Variants in ETFDH observed in about 807,000 individuals in gnomAD.
ETFDH encodes electron transfer flavoprotein dehydrogenase, also known as electron transfer flavoprotein-ubiquinone oxidoreductase, mitochondrial.
Under a neutral mutation model 73.2 loss-of-function variants are expected in ETFDH, and 61 were observed. That is an observed-to-expected ratio of 0.83 (90% CI 0.68 to 1.03). ETFDH has a LOEUF of 1.03. Ranked by LOEUF, ETFDH falls within the 50% of genes least tolerant of loss-of-function variation. The probability of loss-of-function intolerance (pLI) is 0.00; values close to 1 mark genes in which losing one functional copy is unlikely to be tolerated. For synonymous variants in ETFDH, 243 were observed against 253.3 expected (o/e 0.96, Z 0.39); for missense variants, 685 against 745.0 (o/e 0.92, Z 0.94).
intron 7 of ETFDH, among the ~76,000 whole-genome samples, chr4:158,696,522 A>G (rs537753231): frequency 2.6e-5 from 4 of 152,254 alleles, no homozygotes; most frequent in African/African-American, 9.6e-5. Context: ...AAAAAAGAAT[A>G]TAGTAATTAA....
At position 158,680,529 on chromosome 4, in the gene ETFDH, T is replaced by C. The variant is rs1474124175; in HGVS notation, c.97T>C (p.Trp33Arg). 2.5e-6 allele frequency: 4 copies of C among 1,600,358 alleles called. No individual in the cohort carries two copies. Among genetic ancestry groups the C allele is most frequent in the Non-Finnish European group, 3.4e-6 (4 of 1,167,560 alleles). The change falls in exon 2 of 13, where the codon TGG becomes CGG. Residue 33 changes from tryptophan (W) to arginine (R), a missense_variant. Transcript: ENST00000511912. ...KNYLPLCATR[W>R]SSTSTVPRIT... is the part of the protein sequence containing the mutation. Reference sequence around the variant, plus strand: ...TTATCTACCTCTATGTGCTACAAGATGGTCTTCAACTTCTACTGTGCCTCG... The same window carrying C: ...TTATCTACCTCTATGTGCTACAAGACGGTCTTCAACTTCTACTGTGCCTCG...
At chr4:158,675,793 A>G (rs953435180) in intron 1 of ETFDH, among the ~76,000 whole-genome samples, 13 of 151,486 alleles carry the variant, frequency 8.6e-5, no homozygotes, top group African/African-American at 2.9e-4. Flanking sequence ...AAAGTCAGCT[A>G]GGAACATTCA....
chr4:158,684,705 G>A, intron 4 of ETFDH, 32 bp downstream of exon 4: 1 of 1,130,794 alleles, frequency 8.8e-7, no homozygotes, highest in Admixed American at 1.7e-5. Context: ...TAGAACTATG[G>A]AATTCCACAG....
At position 158,697,567 on chromosome 4, in the gene ETFDH, T is replaced by G; in HGVS notation, c.840T>G (p.Val280=). The change falls in exon 8 of 13, where the codon GTT becomes GTG. Residue 280 remains valine (V), a synonymous_variant. Transcript: ENST00000511912. The part of the protein sequence containing the change: ...TYGIGLKELW[V]IDEKNWKPGR... Reference sequence around the variant, plus strand: ...GCTTTTTTTTTTTTTAGTTATGGGTTATTGATGAAAAGAACTGGAAACCTG... The same window carrying G: ...GCTTTTTTTTTTTTTAGTTATGGGTGATTGATGAAAAGAACTGGAAACCTG... 6.2e-7 allele frequency: 1 copy of G among 1,613,056 alleles called. No homozygotes were observed. Among genetic ancestry groups the G allele is most frequent in the South Asian group, 1.1e-5 (1 of 90,976 alleles).
Position 158,698,997 on chromosome 4 carries a change from A to G in ETFDH, c.983A>G (p.Asp328Gly). 6.2e-7 allele frequency: 1 copy of G among 1,604,768 alleles called. No individual in the cohort carries two copies. Among genetic ancestry groups the G allele is most frequent in the Non-Finnish European group, 8.5e-7 (1 of 1,171,572 alleles). Reference sequence around the variant, plus strand: ...GTGTAAATTTTTAAGGTTGGTCTAGACTATCAGAATCCATACCTGAGTCCA... The same window carrying G: ...GTGTAAATTTTTAAGGTTGGTCTAGGCTATCAGAATCCATACCTGAGTCCA... The part of the protein sequence containing the change: ...LVALGLVVGL[D>G]YQNPYLSPFR... The change falls in exon 9 of 13, where the codon GAC (aspartate) becomes GGC (glycine). Residue 328 changes from aspartate to glycine, a missense_variant. By Grantham distance (94) the Asp-to-Gly change is moderately conservative (BLOSUM62 -1). Around this residue, in one of 3 missense-constraint regions of ETFDH, gnomAD observed 405 missense variants for 399.3 expected, o/e 1.01. Transcript: ENST00000511912.
intron 3 of ETFDH, among the ~76,000 whole-genome samples, chr4:158,683,644 A>G (rs1360238180): frequency 6.6e-6 from 1 of 152,094 alleles, no homozygotes; most frequent in Non-Finnish European, 1.5e-5. Context: ...CAGTGGCACA[A>G]TCATGGCTCT....
At chr4:158,683,616 G>T (rs1459619397) in intron 3 of ETFDH, among the ~76,000 whole-genome samples, 2 of 152,018 alleles carry the variant, frequency 1.3e-5, no homozygotes, top group Non-Finnish European at 2.9e-5. Flanking sequence ...GTCTCACTCT[G>T]TCACCCAGGC....
rs77819335 is a variant in ETFDH at position 158,694,899 on chromosome 4, T to C, written c.685-598T>C. Among the ~76,000 whole-genome samples the C allele has an allele frequency of 9.6e-3, 1,462 of 152,298 alleles. 22 individuals are homozygous for C. The highest frequency in any genetic ancestry group is 0.032 in the African/African-American group (1,349 of 41,570). ...GTGTCCCTTGGTGTGCACGGTAGAC[T>C]GGCTCCATGACCCTCCAAGTATACC... On this transcript the variant is annotated intron_variant, in intron 6 of 12. Coordinates refer to ENST00000511912, the MANE Select transcript of ETFDH (RefSeq NM_004453.4).
intron 1 of ETFDH, among the ~76,000 whole-genome samples, chr4:158,674,318 G>T (rs1041937756): frequency 5.9e-5 from 9 of 151,820 alleles, no homozygotes; most frequent in Non-Finnish European, 7.4e-5. Context: ...GTTTTTTGGG[G>T]TTTTTTTGAC....
intron 7 of ETFDH, among the ~76,000 whole-genome samples, chr4:158,696,321 T>G (rs1280350073): frequency 6.6e-6 from 1 of 152,034 alleles, no homozygotes; most frequent in African/African-American, 2.4e-5. Flanking sequence ...GCCTGGGCAA[T>G]GTAGTGAGAC....
intron 2 of ETFDH, chr4:158,681,828 G>A (rs1344444005): frequency 3.1e-6 from 1 of 327,230 alleles, no homozygotes; most frequent in Non-Finnish European, 5.8e-6. Flanking sequence ...CAATTAGTTT[G>A]TGTAAGTATA....
intron 2 of ETFDH, 185 bp from the exon 3 acceptor site, chr4:158,682,005 ATGTAC>A: frequency 1.5e-6 from 1 of 663,846 alleles, no homozygotes; most frequent in Non-Finnish European, 2.5e-6. Context: ...GAAATAAAGT[ATGTAC>A]TGGAACAGAA....
intron 8 of ETFDH, 111 bp downstream of exon 8, chr4:158,697,810 C>CA: frequency 9.7e-7 from 1 of 1,033,962 alleles, no homozygotes; most frequent in South Asian, 1.3e-5. Flanking sequence ...TTATTTAAAG[C>CA]TTTCTAATTT....
chr4:158,697,852 G>C (rs1266560773), intron 8 of ETFDH, among the ~76,000 whole-genome samples, 153 bp downstream of exon 8: 2 of 152,170 alleles, frequency 1.3e-5, no homozygotes, highest in African/African-American at 4.8e-5. Flanking sequence ...TGGCTGCTGT[G>C]TCATTAAGTC....
chr4:158,672,534 A>G (rs769390494), intron 1 of ETFDH, 44 bp downstream of exon 1: 2 of 1,599,082 alleles, frequency 1.3e-6, no homozygotes, highest in Non-Finnish European at 1.7e-6. Flanking sequence ...GAGTTAGGGC[A>G]AAAGGGACAA....
intron 4 of ETFDH, 40 bp downstream of exon 4, chr4:158,684,713 C>A: frequency 1.9e-6 from 2 of 1,080,990 alleles, no homozygotes; most frequent in Non-Finnish European, 2.9e-6. Context: ...TGGAATTCCA[C>A]AGCTGGAAGG....
intron 10 of ETFDH, among the ~76,000 whole-genome samples, chr4:158,704,291 A>G (rs1352297283): frequency 3.3e-5 from 5 of 152,240 alleles, no homozygotes; most frequent in African/African-American, 1.2e-4. Context: ...CAAGCTTTGT[A>G]AGTATAGGCC....
chr4:158,706,603 A>G (rs1483714669), intron 11 of ETFDH, 26 bp from the exon 12 acceptor site: 7 of 1,564,304 alleles, frequency 4.5e-6, no homozygotes, highest in Non-Finnish European at 6.2e-6. Flanking sequence ...ATATTTTGTT[A>G]AGCATTTCCC....
rs55861035 is a variant in ETFDH, at chr4:158,709,019, T to TTGTGTGTGTGTGTGTGTGTGTGTGTGTG, written c.*504_*531dup. 2.0e-5 allele frequency: 3 copies of TTGTGTGTGTGTGTGTGTGTGTGTGTGTG among 150,336 alleles called. No homozygotes were observed. The highest frequency in any genetic ancestry group is 6.5e-5 in the Admixed American group (1 of 15,396). 9.3% of individuals were successfully genotyped at this position (150,336 alleles called of 1,614,324 possible). On this transcript the variant is annotated 3_prime_UTR_variant, in exon 13 of 13. Transcript: ENST00000511912. The stretch of plus-strand genomic sequence containing the variant: ...GAAGTATGCCCATCCCTGAACAAGT[T>TTGTGTGTGTGTGTGTGTGTGTGTGTGTG]TGTGTGTGTGTGTGTGTGTGTGTGT...
Sources: gnomAD v4.1 joint callset for allele counts (sites outside exome capture counted in the v4.1 genomes callset) on GRCh38, gnomAD v4.1.1 for gene constraint, gnomAD v4.1.1 regional missense constraint, MANE v1.5 for transcripts, NCBI Gene and HGNC (gene_info 2026-07-23, HGNC 2026-07-21) for gene names.